Variants in HPSE2 observed in about 807,000 individuals in gnomAD.
The protein encoded by HPSE2 is inactive heparanase-2.
In HPSE2, 38 loss-of-function variants were observed where a neutral mutation model predicts 60.5. That is an observed-to-expected ratio of 0.63 (90% confidence interval 0.48 to 0.82). The LOEUF (loss-of-function observed/expected upper bound fraction) is 0.82. HPSE2 is among the 40% of genes least tolerant of loss of function. HPSE2 has a pLI of 0.00. For missense variants in HPSE2, 713 were observed against 740.4 expected (o/e 0.96, Z 0.43); for synonymous variants, 295 against 293.2 (o/e 1.01, Z -0.06).
At chr10:99,282,848 A>C in the HPSE2 span, among the ~76,000 whole-genome samples, 3 of 152,184 alleles carry the variant, frequency 2.0e-5, no homozygotes, top group African/African-American at 7.2e-5. Flanking sequence ...TACGAGATGC[A>C]GCAAAAGTGA....
intron 3 of HPSE2, among the ~76,000 whole-genome samples, chr10:99,074,150 A>T (rs1169559587): frequency 2.0e-5 from 3 of 151,916 alleles, no homozygotes; most frequent in African/African-American, 7.3e-5. Context: ...TACAGGGAAA[A>T]TTTTCAGTTT....
chr10:98,854,758 C>T (rs1180709346), intron 3 of HPSE2, among the ~76,000 whole-genome samples: 1 of 152,128 alleles, frequency 6.6e-6, no homozygotes, highest in African/African-American at 2.4e-5. Context: ...TCACTACTAG[C>T]TGATGGGCAA....
chr10:98,952,185 C>T (rs1306905635), intron 3 of HPSE2, among the ~76,000 whole-genome samples: 1 of 152,110 alleles, frequency 6.6e-6, no homozygotes, highest in African/African-American at 2.4e-5. Context: ...AGGTAAACTC[C>T]TTTTCACAAG....
At chr10:98,947,821 G>T (rs532565758) in intron 3 of HPSE2, among the ~76,000 whole-genome samples, 2 of 152,192 alleles carry the variant, frequency 1.3e-5, no homozygotes, top group African/African-American at 4.8e-5. Flanking sequence ...AACAAGAAAA[G>T]CCCTTTTTCT....
chr10:99,186,376 C>G (rs12245577), intron 2 of HPSE2, among the ~76,000 whole-genome samples: 12 of 151,846 alleles, frequency 7.9e-5, no homozygotes, highest in African/African-American at 2.9e-4. Flanking sequence ...AACCCTGTCT[C>G]TACTAAAAAT....
intron 11 of HPSE2, chr10:98,461,821 T>C: frequency 6.3e-7 from 1 of 1,593,756 alleles, no homozygotes; most frequent in Non-Finnish European, 8.6e-7. Context: ...CTTTGGGTTC[T>C]GGGGAGTGCA....
chr10:99,106,798 A>C (rs1844266668), intron 3 of HPSE2, among the ~76,000 whole-genome samples: 1 of 152,072 alleles, frequency 6.6e-6, no homozygotes, highest in Non-Finnish European at 1.5e-5. Flanking sequence ...TTATTTTCCA[A>C]AGTTTCACTA....
chr10:99,056,455 G>A (rs1350768873), intron 3 of HPSE2, among the ~76,000 whole-genome samples: 1 of 152,096 alleles, frequency 6.6e-6, no homozygotes, highest in Non-Finnish European at 1.5e-5. Flanking sequence ...TTATGAGACT[G>A]CTTAAGCCTG....
intron 3 of HPSE2, among the ~76,000 whole-genome samples, chr10:98,954,082 G>C (rs1232666858): frequency 6.6e-6 from 1 of 152,108 alleles, no homozygotes; most frequent in Non-Finnish European, 1.5e-5. Flanking sequence ...GAGGCAGGTG[G>C]ATCACAAGGT....
At chr10:99,131,217 A>G (rs954763104) in intron 3 of HPSE2, among the ~76,000 whole-genome samples, 1 of 152,236 alleles carries the variant, frequency 6.6e-6, no homozygotes. Context: ...ATCTATGACA[A>G]ACTCACAGTG....
At chr10:98,578,654 T>G (rs1331866792) in intron 9 of HPSE2, among the ~76,000 whole-genome samples, 3 of 152,222 alleles carry the variant, frequency 2.0e-5, no homozygotes, top group African/African-American at 7.2e-5. Context: ...ATAAAATTAC[T>G]TCTTTAACAG....
chr10:99,035,861 T>C (rs1412031000), intron 3 of HPSE2, among the ~76,000 whole-genome samples: 1 of 152,204 alleles, frequency 6.6e-6, no homozygotes, highest in Non-Finnish European at 1.5e-5. Context: ...AGAACCAAGA[T>C]GCAGTGACAC....
At chr10:99,094,500 CTCT>C (rs1160249018) in intron 3 of HPSE2, among the ~76,000 whole-genome samples, 44 of 106,522 alleles carry the variant, frequency 4.1e-4, no homozygotes, top group African/African-American at 1.3e-3. Flanking sequence ...CAGTTATTCT[CTCT>C]TTTTTATCAT....
At position 99,201,893 on chromosome 10, in the gene HPSE2, A is replaced by T. The variant is rs138911499; in HGVS notation, c.448+30455T>A. Among the ~76,000 whole-genome samples, 343 of 152,182 alleles carry T rather than the reference A, an allele frequency of 2.3e-3. 1 individual carries two copies. Among genetic ancestry groups the T allele is most frequent in the African/African-American group, 7.8e-3 (322 of 41,518 alleles). On this transcript the variant is annotated intron_variant, in intron 2 of 11. Coordinates refer to ENST00000370552, the MANE Select transcript of HPSE2 (RefSeq NM_021828.5). ...CCCAAGAAACCAAAATGGCCAGAAG[A>T]TGAACACGACGCCATACTCCATGGT...
chr10:99,286,327 T>C, the HPSE2 span, among the ~76,000 whole-genome samples: 1 of 152,244 alleles, frequency 6.6e-6, no homozygotes, highest in Non-Finnish European at 1.5e-5. Flanking sequence ...CCACGTTGTC[T>C]ATCATCAGAT....
chr10:98,542,766 G>A (rs11189658), intron 9 of HPSE2, among the ~76,000 whole-genome samples: 122,120 of 145,294 alleles, frequency 0.84, 52,350 homozygotes, highest in East Asian at 1. Context: ...AGCGAGAAGG[G>A]AAGTTTAGAG....
chr10:99,155,898 T>TA (rs1209087507), intron 2 of HPSE2, among the ~76,000 whole-genome samples: 1 of 151,316 alleles, frequency 6.6e-6, no homozygotes, highest in African/African-American at 2.4e-5. Context: ...ATAGACACAA[T>TA]AAAAAATGAT....
intron 3 of HPSE2, among the ~76,000 whole-genome samples, chr10:99,058,776 G>A (rs529441551): frequency 5.9e-5 from 9 of 152,260 alleles, no homozygotes. Flanking sequence ...TGAAGGTGGA[G>A]TTGGGTGGGG....
intron 3 of HPSE2, among the ~76,000 whole-genome samples, chr10:99,142,103 A>G (rs1477257967): frequency 6.6e-6 from 1 of 152,198 alleles, no homozygotes; most frequent in African/African-American, 2.4e-5. Flanking sequence ...GTTATGCCAG[A>G]CTTATACAGA....
Sources: allele counts gnomAD v4.1 joint callset (sites outside exome capture counted in the v4.1 genomes callset), GRCh38; gene constraint gnomAD v4.1.1; transcripts MANE v1.5; gene names NCBI Gene and HGNC (gene_info 2026-07-23, HGNC 2026-07-21).